Variants in ZNF71 observed in about 807,000 individuals in gnomAD.
The protein encoded by ZNF71 is zinc finger protein 71.
Under a neutral mutation model 6.7 loss-of-function variants are expected in ZNF71, and 3 were observed. The ratio of observed to expected loss-of-function variants is 0.45; its 90% confidence interval spans 0.20 to 1.16. The LOEUF is 1.16. Ranked by LOEUF, ZNF71 falls within the 50% of genes most tolerant of loss-of-function variation. The pLI, the probability that ZNF71 is intolerant of heterozygous loss-of-function variation, is 0.25. For missense variants in ZNF71, 688 were observed against 728.6 expected, an observed-to-expected ratio of 0.94 and a Z score of 0.64; for synonymous variants, 343 against 311.1, an observed-to-expected ratio of 1.10 and a Z score of -1.08.
chr19:56,620,757 T>C (rs556843632), intron 3 of ZNF71, among the ~76,000 whole-genome samples: 2 of 152,106 alleles, frequency 1.3e-5, no homozygotes, highest in Non-Finnish European at 2.9e-5. Flanking sequence ...TTGCCCAGGC[T>C]GGTCTCAAGC....
intron 3 of ZNF71, among the ~76,000 whole-genome samples, chr19:56,619,899 T>C (rs1242982468): frequency 6.6e-6 from 1 of 152,150 alleles, no homozygotes; most frequent in Non-Finnish European, 1.5e-5. Flanking sequence ...GAGTCTAGAC[T>C]CCACCTAGGC....
intron 2 of ZNF71, among the ~76,000 whole-genome samples, chr19:56,605,676 G>A (rs1272925522): frequency 6.6e-6 from 1 of 152,228 alleles, no homozygotes; most frequent in Non-Finnish European, 1.5e-5. Context: ...CAGCAATAAT[G>A]TGAGACGTGC....
intron 2 of ZNF71, among the ~76,000 whole-genome samples, chr19:56,605,936 T>G (rs927228220): frequency 5.9e-5 from 9 of 152,226 alleles, no homozygotes; most frequent in Non-Finnish European, 1.0e-4. Context: ...ATGTTGGGGC[T>G]GAGAGTTGAA....
intron 2 of ZNF71, among the ~76,000 whole-genome samples, chr19:56,607,355 G>A (rs1367358814): frequency 6.6e-6 from 1 of 152,128 alleles, no homozygotes; most frequent in African/African-American, 2.4e-5. Flanking sequence ...TATCACATAC[G>A]ATTGCTTTCT....
intron 3 of ZNF71, among the ~76,000 whole-genome samples, chr19:56,619,381 G>T (rs2044825467): frequency 6.6e-6 from 1 of 152,124 alleles, no homozygotes; most frequent in Admixed American, 6.6e-5. Context: ...CCGACCTCCA[G>T]GTACCGCAGA....
At chr19:56,595,461 G>T in intron 1 of ZNF71, 33 bp downstream of exon 1, 1 of 157,922 alleles carries the variant, frequency 6.3e-6, no homozygotes, top group Non-Finnish European at 1.4e-5. Flanking sequence ...TGCTGGTCCA[G>T]GGCGTGCGGG....
intron 2 of ZNF71, chr19:56,609,850 T>C (rs553739065): frequency 6.2e-4 from 90 of 145,550 alleles, no homozygotes; most frequent in African/African-American, 2.3e-3. Flanking sequence ...CTGGACATTG[T>C]ACATAAATGA....
chr19:56,602,816 A>G (rs1433999745), intron 2 of ZNF71, among the ~76,000 whole-genome samples: 1 of 152,206 alleles, frequency 6.6e-6, no homozygotes, highest in Non-Finnish European at 1.5e-5. Context: ...TTTTTTCTGT[A>G]TAAAAGCATT....
At chr19:56,607,531 A>G (rs927759716) in intron 2 of ZNF71, among the ~76,000 whole-genome samples, 7 of 152,150 alleles carry the variant, frequency 4.6e-5, no homozygotes, top group African/African-American at 1.7e-4. Context: ...AGATGCTGTT[A>G]TCCCCTTTTA....
chr19:56,621,262 T>C lies in ZNF71; in HGVS notation c.161-6T>C. On this transcript the variant is annotated splice_region_variant and splice_polypyrimidine_tract_variant and intron_variant, in intron 3 of 3. Transcript: ENST00000599599. ...TATTTGCATCTTCTGTTTTTGTTTTTTTCAGACTGGGAGACTAGACCTGAA... is the reference window on the plus strand; with the variant it reads ...TATTTGCATCTTCTGTTTTTGTTTTCTTCAGACTGGGAGACTAGACCTGAA... 6.6e-7 allele frequency: 1 copy of C among 1,514,780 alleles called. No individual in the cohort carries two copies. The highest frequency in any genetic ancestry group is 1.3e-5 in the South Asian group (1 of 74,458). 93.8% of individuals were successfully genotyped at this position (1,514,780 alleles called of 1,614,324 possible). A position where few individuals can be genotyped will look rare whatever the true frequency, so the allele number is the denominator to read the frequency against.
intron 2 of ZNF71, among the ~76,000 whole-genome samples, chr19:56,604,156 A>G (rs1247395437): frequency 6.6e-6 from 1 of 152,212 alleles, no homozygotes; most frequent in Non-Finnish European, 1.5e-5. Context: ...TTTGTAAAAT[A>G]AATAAATATA....
chr19:56,606,563 G>C (rs2044711536), intron 2 of ZNF71, among the ~76,000 whole-genome samples: 2 of 152,148 alleles, frequency 1.3e-5, no homozygotes, highest in Admixed American at 6.5e-5. Context: ...GGCATCTCTT[G>C]TGTGGTGGCT....
chr19:56,600,414 GT>G (rs999802099), intron 1 of ZNF71, among the ~76,000 whole-genome samples: 1 of 31,314 alleles, frequency 3.2e-5, no homozygotes, highest in African/African-American at 9.8e-5. Flanking sequence ...AGCCAGGATG[GT>G]CTCGATCTCC....
intron 1 of ZNF71, among the ~76,000 whole-genome samples, chr19:56,595,760 G>C (rs536101962): frequency 3.9e-5 from 6 of 152,230 alleles, no homozygotes; most frequent in Non-Finnish European, 5.9e-5. Context: ...GTCTGTGTGT[G>C]TGTCTGTGTG....
chr19:56,612,922 T>C (rs1271921546), intron 2 of ZNF71, among the ~76,000 whole-genome samples: 1 of 152,200 alleles, frequency 6.6e-6, no homozygotes, highest in East Asian at 1.9e-4. Flanking sequence ...GTCATGTTCT[T>C]GAGACCTTGA....
chr19:56,614,730 T>G (rs2044777456), intron 3 of ZNF71, among the ~76,000 whole-genome samples: 1 of 152,230 alleles, frequency 6.6e-6, no homozygotes, highest in South Asian at 2.1e-4. Context: ...CTGGAGGTAT[T>G]ATTGACCTGT....
At position 56,622,960 on chromosome 19, in the gene ZNF71, C is replaced by T. The variant is rs1414262598; in HGVS notation, c.*203C>T. ...CCTCAGAAAGCAAGCCCCTCGGTGT[C>T]TGACGTATCTGGGGACACTTCAAGG... On this transcript the variant is annotated 3_prime_UTR_variant, in exon 4 of 4. Transcript: ENST00000599599. 2 of 674,316 alleles carry T rather than the reference C, an allele frequency of 3.0e-6. No homozygotes were observed. The highest frequency in any genetic ancestry group is 3.7e-5 in the African/African-American group (2 of 53,548). The allele number at this position is 674,316 out of a possible 1,614,324, so 41.8% of individuals were successfully genotyped here. A position where few individuals can be genotyped will look rare whatever the true frequency, so the allele number is the denominator to read the frequency against.
At chr19:56,619,481 T>C (rs1190121847) in intron 3 of ZNF71, among the ~76,000 whole-genome samples, 2 of 152,216 alleles carry the variant, frequency 1.3e-5, no homozygotes, top group African/African-American at 4.8e-5. Context: ...AAAATGTTTT[T>C]CATGGGGAAA....
chr19:56,621,614 G>A lies in ZNF71; in HGVS notation c.507G>A (p.Lys169=). The A allele has an allele frequency of 6.2e-7, 1 of 1,614,212 alleles. No individual in the cohort carries two copies. ...KGACPPVRRG[K]NFSSTSDLSK... ...CCTGTCCACCCGTAAGGCGTGGCAA[G>A]AACTTCTCCAGCACTTCAGACCTCA... Residue 169 remains lysine (K), a synonymous_variant, in exon 4 of 4, where the codon AAG becomes AAA. Transcript: ENST00000599599.
Sources: allele counts gnomAD v4.1 joint callset (sites outside exome capture counted in the v4.1 genomes callset), GRCh38; gene constraint gnomAD v4.1.1; transcripts MANE v1.5; gene names NCBI Gene and HGNC (gene_info 2026-07-23, HGNC 2026-07-21).